ZFHX3: variants seen among roughly 807,000 people sequenced by gnomAD.
The protein encoded by ZFHX3 is zinc finger homeobox protein 3.
In ZFHX3, 42 loss-of-function variants were observed where a neutral mutation model predicts 279.1. The ratio of observed to expected loss-of-function variants is 0.15; its 90% confidence interval spans 0.12 to 0.19. The LOEUF (loss-of-function observed/expected upper bound fraction) is 0.19. Among genes scored for constraint, ZFHX3 ranks in the 10% least tolerant of loss-of-function variants. ZFHX3 has a pLI of 1.00. For missense variants in ZFHX3, 4,981 were observed against 4,754.0 expected, an observed-to-expected ratio of 1.05 and a Z score of -1.40; for synonymous variants, 2,293 against 1,957.8, an observed-to-expected ratio of 1.17 and a Z score of -4.52.
chr16:72,954,009 G>A (rs138588405), intron 2 of ZFHX3, among the ~76,000 whole-genome samples: 2,445 of 152,288 alleles, frequency 0.016, 37 homozygotes, highest in Middle Eastern at 0.02. Context: ...CTACAAATCC[G>A]CTAATCCAGC....
At chr16:73,495,150 G>A (rs1704231791) in intron 2 of ZFHX3, among the ~76,000 whole-genome samples, 1 of 152,210 alleles carries the variant, frequency 6.6e-6, no homozygotes, top group Non-Finnish European at 1.5e-5. Context: ...CTGGCTGGCA[G>A]AATTCCTTTA....
chr16:73,569,565 CA>C (rs2051713958), intron 2 of ZFHX3, among the ~76,000 whole-genome samples: 1 of 151,816 alleles, frequency 6.6e-6, no homozygotes, highest in South Asian at 2.1e-4. Context: ...GTGCCAAGGT[CA>C]CAGGGAGATT....
intron 5 of ZFHX3, among the ~76,000 whole-genome samples, chr16:72,819,020 A>C (rs905684464): frequency 6.6e-6 from 1 of 152,204 alleles, no homozygotes; most frequent in Admixed American, 6.5e-5. Flanking sequence ...CACTTTAAAA[A>C]TCCAGCAGCT....
chr16:73,762,274 C>T (rs181206766), intron 1 of ZFHX3, among the ~76,000 whole-genome samples: 30 of 152,138 alleles, frequency 2.0e-4, no homozygotes, highest in Non-Finnish European at 4.0e-4. Context: ...AAATCAAAAC[C>T]GCAATGAGAT....
At chr16:73,509,680 A>G in intron 2 of ZFHX3, among the ~76,000 whole-genome samples, 1 of 138,840 alleles carries the variant, frequency 7.2e-6, no homozygotes, top group Non-Finnish European at 1.5e-5. Context: ...GCCCACCACC[A>G]TGCCCGGCTG....
intron 7 of ZFHX3, among the ~76,000 whole-genome samples, chr16:73,097,576 T>C (rs1386007309): frequency 6.6e-6 from 1 of 152,254 alleles, no homozygotes; most frequent in Non-Finnish European, 1.5e-5. Context: ...CAACATAAAA[T>C]TTGCCATTTT....
At chr16:73,533,934 C>G (rs1245381445) in intron 2 of ZFHX3, among the ~76,000 whole-genome samples, 1 of 152,178 alleles carries the variant, frequency 6.6e-6, no homozygotes, top group East Asian at 1.9e-4. Flanking sequence ...TAGATCATGG[C>G]AATAGCCCTT....
chr16:73,084,872 T>A (rs752861016), intron 8 of ZFHX3, among the ~76,000 whole-genome samples: 7 of 152,108 alleles, frequency 4.6e-5, no homozygotes, highest in African/African-American at 9.7e-5. Flanking sequence ...CAAGGAATAC[T>A]ATAAAGCACT....
intron 9 of ZFHX3, among the ~76,000 whole-genome samples, chr16:72,792,000 G>T (rs1253702376): frequency 6.6e-6 from 1 of 152,140 alleles, no homozygotes. Flanking sequence ...GCATTAGGAG[G>T]GGTTCTCCTT....
chr16:73,250,213 T>C (rs2013440596), intron 5 of ZFHX3, among the ~76,000 whole-genome samples: 1 of 152,244 alleles, frequency 6.6e-6, no homozygotes, highest in Non-Finnish European at 1.5e-5. Flanking sequence ...CCCTGAGTAC[T>C]AATACATAAA....
intron 1 of ZFHX3, among the ~76,000 whole-genome samples, chr16:73,804,959 A>AGAGG (rs1224594144): frequency 7.5e-6 from 1 of 133,848 alleles, no homozygotes; most frequent in Non-Finnish European, 1.6e-5. Context: ...AGGGAGGGAG[A>AGAGG]GAGGGAGGGA....
At position 72,960,195 on chromosome 16, in the gene ZFHX3, C is replaced by T; in HGVS notation, c.-49-1G>A. On this transcript the variant is annotated splice_acceptor_variant, in intron 1 of 9. Coordinates refer to ENST00000268489, the MANE Select transcript of ZFHX3 (RefSeq NM_006885.4). LOFTEE classifies it low-confidence loss of function (5UTR_SPLICE). ...TTGCACCCAGTACGGAGGCTCGGACCTGAAGGGCAGAGGCAAGGGGGGAGG... is the reference window on the plus strand; with the variant it reads ...TTGCACCCAGTACGGAGGCTCGGACTTGAAGGGCAGAGGCAAGGGGGGAGG... The T allele has an allele frequency of 6.7e-7, 1 of 1,486,964 alleles. No homozygotes were observed. The highest frequency in any genetic ancestry group is 9.0e-7 in the Non-Finnish European group (1 of 1,116,270). 92.1% of individuals were successfully genotyped at this position (1,486,964 alleles called of 1,614,324 possible).
intron 3 of ZFHX3, among the ~76,000 whole-genome samples, chr16:73,438,942 G>T (rs1256632073): frequency 6.6e-6 from 1 of 152,210 alleles, no homozygotes; most frequent in African/African-American, 2.4e-5. Flanking sequence ...AAGCAGTGAA[G>T]CCAGCAGTTC....
intron 4 of ZFHX3, among the ~76,000 whole-genome samples, chr16:72,883,419 C>T (rs1297334997): frequency 2.0e-5 from 3 of 152,184 alleles, no homozygotes; most frequent in African/African-American, 7.2e-5. Context: ...AGCACCACCA[C>T]CATTCTGAGC....
chr16:73,637,736 A>T (rs571244810), intron 2 of ZFHX3, among the ~76,000 whole-genome samples: 15 of 152,332 alleles, frequency 9.8e-5, no homozygotes, highest in African/African-American at 2.9e-4. Flanking sequence ...CTTACACATT[A>T]GAAAATATTA....
intron 1 of ZFHX3, among the ~76,000 whole-genome samples, chr16:73,808,886 A>C (rs1960354137): frequency 6.6e-6 from 1 of 152,188 alleles, no homozygotes; most frequent in South Asian, 2.1e-4. Context: ...GGAAAAAGGA[A>C]GCCAGTCCTG....
At chr16:72,971,085 G>A (rs1455489300) in intron 1 of ZFHX3, among the ~76,000 whole-genome samples, 1 of 152,004 alleles carries the variant, frequency 6.6e-6, no homozygotes, top group African/African-American at 2.4e-5. Flanking sequence ...TACCTACCTC[G>A]GATCACGCTG....
intron 3 of ZFHX3, among the ~76,000 whole-genome samples, chr16:73,349,012 G>T (rs192433789): frequency 7.1e-4 from 108 of 152,292 alleles, no homozygotes; most frequent in African/African-American, 2.5e-3. Context: ...TATCCTGGGG[G>T]TCCACAGGAA....
At chr16:73,248,544 T>C (rs2013376754) in intron 5 of ZFHX3, among the ~76,000 whole-genome samples, 1 of 151,964 alleles carries the variant, frequency 6.6e-6, no homozygotes, top group South Asian at 2.1e-4. Context: ...TGTGTACATG[T>C]GTGTGTGTAC....
Sources: gnomAD v4.1 joint callset for allele counts (sites outside exome capture counted in the v4.1 genomes callset) on GRCh38, gnomAD v4.1.1 for gene constraint, MANE v1.5 for transcripts, NCBI Gene and HGNC (gene_info 2026-07-23, HGNC 2026-07-21) for gene names.